Variants in ISL2 observed in about 807,000 individuals in gnomAD.
ISL2 encodes the protein ISL LIM homeobox 2.
Under a neutral mutation model 34.6 loss-of-function variants are expected in ISL2, and 17 were observed. The observed-to-expected ratio is 0.49, with a 90% CI of 0.34 to 0.74. The LOEUF (loss-of-function observed/expected upper bound fraction) is 0.74, where lower values mean the gene tolerates loss of function less well. Among genes scored for constraint, ISL2 ranks in the 30% least tolerant of loss-of-function variants. The pLI, the probability that ISL2 is intolerant of heterozygous loss-of-function variation, is 0.01. For missense variants in ISL2, 469 were observed against 515.2 expected, an observed-to-expected ratio of 0.91 and a Z score of 0.87; for synonymous variants, 232 against 225.5, an observed-to-expected ratio of 1.03 and a Z score of -0.26.
At chr15:76,339,910 C>G in intron 3 of ISL2, 1 of 1,072,862 alleles carries the variant, frequency 9.3e-7, no homozygotes, top group Non-Finnish European at 1.1e-6. Context: ...CTTTCCTCTT[C>G]CTCTGAAACT....
rs989311213 is a variant in ISL2 at position 76,338,997 on chromosome 15, C to T, written c.511+483C>T. ...GAACCCAACAAAGAGGGGTTTTTGC[C>T]ATCTTGTTTTGAGGCCCAGTTTGAT... On this transcript the variant is annotated intron_variant, in intron 3 of 5. Transcript: ENST00000290759. 4 of 985,208 alleles carry T rather than the reference C, an allele frequency of 4.1e-6. No individual in the cohort carries two copies. The African/African-American group carries it at 7.0e-5, about 17-fold the overall frequency. 61.0% of individuals were successfully genotyped at this position (985,208 alleles called of 1,614,324 possible). A position where few individuals can be genotyped will look rare whatever the true frequency, so the allele number is the denominator to read the frequency against.
chr15:76,340,644 C>A, intron 4 of ISL2, 85 bp downstream of exon 4: 2 of 1,353,232 alleles, frequency 1.5e-6, no homozygotes, highest in Non-Finnish European at 2.0e-6. Flanking sequence ...CTGGGCGAGC[C>A]CTGGGAGATC....
rs757809775 is a variant in ISL2, at chr15:76,338,444, C to G, written c.441C>G (p.Leu147=). 4 of 1,443,204 alleles carry G rather than the reference C, an allele frequency of 2.8e-6. No individual in the cohort carries two copies. Among genetic ancestry groups the G allele is most frequent in the Non-Finnish European group, 1.8e-6 (2 of 1,101,744 alleles). The allele number at this position is 1,443,204 out of a possible 1,614,324, so 89.4% of individuals were successfully genotyped here. A position where few individuals can be genotyped will look rare whatever the true frequency, so the allele number is the denominator to read the frequency against. Residue 147 remains leucine (L), a synonymous_variant, in exon 3 of 6, where the codon CTC becomes CTG. Transcript: ENST00000290759. The part of the protein sequence containing the change: ...LLCRADHGLL[L]ERAAAGSPRS... ...GCCGCGCCGACCACGGCCTCCTGCT[C>G]GAGCGCGCCGCGGCCGGCAGCCCGC...
In ISL2 at chr15:76,338,278, G is replaced by A; in HGVS notation, c.275G>A (p.Cys92Tyr). Residue 92 changes from cysteine to tyrosine, a missense_variant, in exon 3 of 6, where the codon TGC becomes TAC. Around this residue, in one of 3 missense-constraint regions of ISL2, gnomAD observed 297 missense variants for 337.8 expected, o/e 0.88. Transcript: ENST00000290759. Reference sequence around the variant, plus strand: ...CTGTTCGGCATCAAGTGCGCCAAGTGCCAGGTGGGCTTCAGCAGCAGCGAC... The same window carrying A: ...CTGTTCGGCATCAAGTGCGCCAAGTACCAGGTGGGCTTCAGCAGCAGCGAC... Reference protein sequence around the residue: ...VRLFGIKCAKCQVGFSSSDLV... With the variant: ...VRLFGIKCAKYQVGFSSSDLV... 2 of 1,582,312 alleles carry A rather than the reference G, an allele frequency of 1.3e-6. No homozygotes were observed. Among genetic ancestry groups the A allele is most frequent in the Non-Finnish European group, 1.7e-6 (2 of 1,169,712 alleles).
At position 76,337,765 on chromosome 15, in the gene ISL2, C is replaced by T. The variant is rs1305643894; in HGVS notation, c.59-13C>T. On this transcript the variant is annotated splice_polypyrimidine_tract_variant and intron_variant, in intron 1 of 5. Transcript: ENST00000290759. ...AGTCAGGCCTGACGCGGCCCCGCGC[C>T]CTTCCCCGGCAGAGAAGCCCGGGAC... 4.5e-6 allele frequency: 7 copies of T among 1,571,240 alleles called. No individual in the cohort carries two copies. Among genetic ancestry groups the T allele is most frequent in the Admixed American group, 3.6e-5 (2 of 56,190 alleles).
chr15:76,341,929 C>T lies in ISL2; in HGVS notation c.*94C>T. 1 of 822,012 alleles carries T rather than the reference C, an allele frequency of 1.2e-6. No individual in the cohort carries two copies. Among genetic ancestry groups the T allele is most frequent in the South Asian group, 1.4e-5 (1 of 72,456 alleles). 50.9% of individuals were successfully genotyped at this position (822,012 alleles called of 1,614,324 possible). A position where few individuals can be genotyped will look rare whatever the true frequency, so the allele number is the denominator to read the frequency against. On this transcript the variant is annotated 3_prime_UTR_variant, in exon 6 of 6. Coordinates refer to ENST00000290759, the MANE Select transcript of ISL2 (RefSeq NM_145805.3). ...CATTCCAGTTCCGAAAGCTCTCTCG[C>T]CTTCGTAATTATTCTATTGTTATTT...
intron 4 of ISL2, 101 bp from the exon 5 acceptor site, chr15:76,341,033 T>C (rs1700682511): frequency 8.6e-7 from 1 of 1,156,698 alleles, no homozygotes; most frequent in South Asian, 1.6e-5. Flanking sequence ...CGCAAAGCAA[T>C]GCAGACCCTA....
chr15:76,340,616 G>A (rs2040186700), intron 4 of ISL2, 57 bp downstream of exon 4: 1 of 1,534,108 alleles, frequency 6.5e-7, no homozygotes, highest in Non-Finnish European at 8.9e-7. Context: ...TTCCGCCGCG[G>A]TATCTGCGTG....
intron 3 of ISL2, chr15:76,338,961 CCAGGAGCCAA>C (rs2040172936): frequency 1.0e-6 from 1 of 985,244 alleles, no homozygotes; most frequent in Non-Finnish European, 1.2e-6. Context: ...GCTTGGTCAG[CCAGGAGCCAA>C]GAACCCAACA....
rs1431080649 is a variant in ISL2 at position 76,340,289 on chromosome 15, C to T, written c.525C>T (p.Gly175=). ...CTGTCCTGGCAGACGCTGGGTCGGGCCGGCAGCCCGCGTTGCGCCCGCACG... is the reference window on the plus strand; with the variant it reads ...CTGTCCTGGCAGACGCTGGGTCGGGTCGGCAGCCCGCGTTGCGCCCGCACG... ...RGLHLPDAGS[G]RQPALRPHVH... The change falls in exon 4 of 6, where the codon GGC becomes GGT. Residue 175 remains glycine (G), a synonymous_variant. Transcript: ENST00000290759. 3 of 1,605,122 alleles carry T rather than the reference C, an allele frequency of 1.9e-6. No individual in the cohort carries two copies. The highest frequency in any genetic ancestry group is 2.5e-6 in the Non-Finnish European group (3 of 1,177,584).
At position 76,341,791 on chromosome 15, in the gene ISL2, C is replaced by G. The variant is rs138128983; in HGVS notation, c.1036C>G (p.Pro346Ala). The G allele has an allele frequency of 3.4e-5, 55 of 1,613,788 alleles. No homozygotes were observed. The highest frequency in any genetic ancestry group is 4.4e-5 in the Non-Finnish European group (52 of 1,180,036). ...CGTGACCTCCCTGTCCTCGCAGCTCCCGGACACCCCCAACAGTATGGTGCC... is the reference window on the plus strand; with the variant it reads ...CGTGACCTCCCTGTCCTCGCAGCTCGCGGACACCCCCAACAGTATGGTGCC... ...SDVTSLSSQL[P>A]DTPNSMVPSP... The change falls in exon 6 of 6, where the codon CCG (proline) becomes GCG (alanine). Residue 346 changes from proline to alanine, a missense_variant. Pro to Ala is a conservative substitution (Grantham distance 27). Transcript: ENST00000290759.
At chr15:76,338,191 G>A in intron 2 of ISL2, 61 bp from the exon 3 acceptor site, 1 of 1,506,206 alleles carries the variant, frequency 6.6e-7, no homozygotes, top group South Asian at 1.2e-5. Flanking sequence ...AGCCGTAGCA[G>A]CCAGGGAGAT....
Position 76,340,298 on chromosome 15 carries a change from C to T in ISL2, c.534C>T (p.Pro178=), listed in dbSNP as rs374903982. ...HLPDAGSGRQ[P]ALRPHVHKQT... is the part of the protein sequence containing the mutation. ...CAGACGCTGGGTCGGGCCGGCAGCCCGCGTTGCGCCCGCACGTGCACAAGC... is the reference window on the plus strand; with the variant it reads ...CAGACGCTGGGTCGGGCCGGCAGCCTGCGTTGCGCCCGCACGTGCACAAGC... Residue 178 remains proline, a synonymous_variant, in exon 4 of 6, where the codon CCC becomes CCT. Coordinates refer to ENST00000290759, the MANE Select transcript of ISL2 (RefSeq NM_145805.3). 6 of 1,607,760 alleles carry T rather than the reference C, an allele frequency of 3.7e-6. No homozygotes were observed. Among genetic ancestry groups the T allele is most frequent in the South Asian group, 1.1e-5 (1 of 90,814 alleles).
In ISL2 at chr15:76,341,224, A is replaced by G. The variant is rs1215197518; in HGVS notation, c.886A>G (p.Thr296Ala). 1.9e-6 allele frequency: 3 copies of G among 1,612,028 alleles called. No homozygotes were observed. The highest frequency in any genetic ancestry group is 1.7e-5 in the Admixed American group (1 of 59,914). The part of the protein sequence containing the change: ...AVQGSAVEVQ[T>A]YQPPWKALSE... Reference sequence around the variant, plus strand: ...GCAGGGCAGCGCAGTGGAGGTGCAGACGTACCAGCCGCCGTGGAAGGCGCT... The same window carrying G: ...GCAGGGCAGCGCAGTGGAGGTGCAGGCGTACCAGCCGCCGTGGAAGGCGCT... The change falls in exon 5 of 6, where the codon ACG (threonine) becomes GCG (alanine). Residue 296 changes from threonine to alanine, a missense_variant. Thr to Ala is a moderately conservative substitution (Grantham distance 58). Around this residue, in one of 3 missense-constraint regions of ISL2, gnomAD observed 169 missense variants for 154.2 expected, o/e 1.10. Transcript: ENST00000290759.
At position 76,336,952 on chromosome 15, in the gene ISL2, C is replaced by G. The variant is rs1310020428; in HGVS notation, c.58+11C>G. On this transcript the variant is annotated intron_variant, in intron 1 of 5. Transcript: ENST00000290759. ...GTGATCATTCCAAGAGTAAGTATTT[C>G]TGTGTGTGTGTGGGGTGGGGTGTGT... 3 of 1,605,366 alleles carry G rather than the reference C, an allele frequency of 1.9e-6. No homozygotes were observed. The highest frequency in any genetic ancestry group is 2.2e-5 in the East Asian group (1 of 44,824).
At chr15:76,339,114 C>T (rs576575342) in intron 3 of ISL2, 1 of 985,294 alleles carries the variant, frequency 1.0e-6, no homozygotes, top group Admixed American at 6.1e-5. Flanking sequence ...CAGCAGCTGC[C>T]CAGAGATGGG....
chr15:76,341,023 C>A, intron 4 of ISL2, 111 bp from the exon 5 acceptor site: 2 of 1,086,692 alleles, frequency 1.8e-6, no homozygotes, highest in East Asian at 2.5e-5. Context: ...TGCGCCTCCC[C>A]GCAAAGCAAT....
intron 3 of ISL2, 115 bp downstream of exon 3, chr15:76,338,629 G>A (rs559493973): frequency 1.8e-5 from 22 of 1,236,236 alleles, no homozygotes; most frequent in Non-Finnish European, 2.2e-5. Flanking sequence ...TCCGTCTGCC[G>A]GGATAGTGTT....
rs1273739958 is a variant in ISL2, at chr15:76,336,908, C to T, written c.25C>T (p.Pro9Ser). 3.7e-6 allele frequency: 6 copies of T among 1,613,230 alleles called. No individual in the cohort carries two copies. The highest frequency in any genetic ancestry group is 5.1e-6 in the Non-Finnish European group (6 of 1,179,210). Residue 9 changes from proline to serine, a missense_variant, in exon 1 of 6, where the codon CCT becomes TCT. Coordinates refer to ENST00000290759, the MANE Select transcript of ISL2 (RefSeq NM_145805.3). ...CATGGTGGATATTATTTTTCATTAT[C>T]CTTTTCTGGGTGCTATGGGTGATCA... is the stretch of plus-strand genomic sequence containing the variant. MVDIIFHYPFLGAMGDHSK... is the reference protein window; with the variant it reads MVDIIFHYSFLGAMGDHSK...
Sources: allele counts gnomAD v4.1 joint callset, GRCh38; gene constraint gnomAD v4.1.1; regional missense constraint gnomAD v4.1.1; transcripts MANE v1.5; gene names NCBI Gene and HGNC (gene_info 2026-07-23, HGNC 2026-07-21).